The following AUTS2 variants were observed in gnomAD, a reference collection of about 807,000 sequenced individuals.
AUTS2 encodes the protein autism susceptibility gene 2 protein.
Under a neutral mutation model 112.4 loss-of-function variants are expected in AUTS2, and 17 were observed. The ratio of observed to expected loss-of-function variants is 0.15; its 90% CI spans 0.10 to 0.23. The LOEUF (loss-of-function observed/expected upper bound fraction) is 0.23, where lower values mean the gene tolerates loss of function less well. AUTS2 is among the 10% of genes least tolerant of loss of function. AUTS2 has a pLI of 1.00. For missense variants in AUTS2, 1,510 were observed against 1,701.6 expected (o/e 0.89, Z 1.98); for synonymous variants, 751 against 702.7 (o/e 1.07, Z -1.09).
chr7:69,870,833 T>C (rs1472950482), intron 1 of AUTS2, among the ~76,000 whole-genome samples: 2 of 152,146 alleles, frequency 1.3e-5, no homozygotes, highest in Non-Finnish European at 2.9e-5. Context: ...AAATTAGCTG[T>C]TTAATGTTGC....
Position 69,816,127 on chromosome 7 carries a change from A to G in AUTS2, c.310-83159A>G, listed in dbSNP as rs146360046. Among the ~76,000 whole-genome samples, 428 of 152,310 alleles carry G rather than the reference A, an allele frequency of 2.8e-3. 1 individual carries two copies. The highest frequency in any genetic ancestry group is 0.01 in the African/African-American group (417 of 41,562). ...AAATGATGCCTAGGTTTGTGTATTC[A>G]GGGCCTGAGTTTCTGATTAAAGCTG... On this transcript the variant is annotated intron_variant, in intron 1 of 18. Coordinates refer to ENST00000342771, the MANE Select transcript of AUTS2 (RefSeq NM_015570.4).
At position 70,722,171 on chromosome 7, in the gene AUTS2, C is replaced by A. The variant is rs544749681; in HGVS notation, c.742+23551C>A. On this transcript the variant is annotated intron_variant, in intron 6 of 18. Transcript: ENST00000342771. ...AACCCCTTTTAAAATCTTTAAATGA[C>A]ATCAGCAGTTTAAAGAGCCCAGGCT... Among the ~76,000 whole-genome samples the A allele has an allele frequency of 1.3e-3, 197 of 152,074 alleles. 1 individual carries two copies. Among genetic ancestry groups the A allele is most frequent in the African/African-American group, 4.2e-3 (176 of 41,478 alleles).
intron 1 of AUTS2, among the ~76,000 whole-genome samples, chr7:69,704,312 C>G (rs1374275053): frequency 6.6e-6 from 1 of 151,826 alleles, no homozygotes; most frequent in Non-Finnish European, 1.5e-5. Context: ...GAGTCTCACT[C>G]TGTCGCCCAG....
At chr7:70,709,952 G>A (rs968600725) in intron 6 of AUTS2, among the ~76,000 whole-genome samples, 20 of 152,102 alleles carry the variant, frequency 1.3e-4, no homozygotes, top group Admixed American at 7.9e-4. Context: ...ATTGAGCCCC[G>A]GCACAAGGGA....
At chr7:70,227,437 C>A (rs1021755221) in intron 4 of AUTS2, among the ~76,000 whole-genome samples, 2 of 151,924 alleles carry the variant, frequency 1.3e-5, no homozygotes, top group African/African-American at 4.8e-5. Context: ...AGTAAATTTG[C>A]AGAGATTTGT....
chr7:69,715,986 T>C (rs1202217566), intron 1 of AUTS2, among the ~76,000 whole-genome samples: 1 of 152,216 alleles, frequency 6.6e-6, no homozygotes, highest in Non-Finnish European at 1.5e-5. Context: ...CACAGAGTCT[T>C]AACCACTACA....
At chr7:70,185,195 G>A (rs1809533077) in intron 4 of AUTS2, among the ~76,000 whole-genome samples, 1 of 150,566 alleles carries the variant, frequency 6.6e-6, no homozygotes, top group South Asian at 2.1e-4. Flanking sequence ...ATCCATTGGG[G>A]ATAGCAAGTA....
intron 1 of AUTS2, among the ~76,000 whole-genome samples, chr7:69,721,914 C>G (rs1354530512): frequency 6.6e-6 from 1 of 151,992 alleles, no homozygotes; most frequent in Non-Finnish European, 1.5e-5. Context: ...ACAAAGGGGC[C>G]TGAGAGGTAG....
chr7:70,307,170 T>A (rs2129614628), intron 4 of AUTS2, among the ~76,000 whole-genome samples: 1 of 152,376 alleles, frequency 6.6e-6, no homozygotes, highest in Non-Finnish European at 1.5e-5. Flanking sequence ...TCATGTACTT[T>A]ACGAATAAAA....
chr7:70,588,443 G>A (rs1802783368), intron 5 of AUTS2, among the ~76,000 whole-genome samples: 1 of 152,196 alleles, frequency 6.6e-6, no homozygotes, highest in African/African-American at 2.4e-5. Flanking sequence ...GGCAGGAGCT[G>A]CAGCACTTGA....
chr7:69,666,260 C>T (rs1319200502), intron 1 of AUTS2, among the ~76,000 whole-genome samples: 1 of 152,174 alleles, frequency 6.6e-6, no homozygotes, highest in African/African-American at 2.4e-5. Context: ...AACATGTATA[C>T]ATTCTTCTAA....
chr7:70,306,326 C>G (rs987856429), intron 4 of AUTS2, among the ~76,000 whole-genome samples: 6 of 152,228 alleles, frequency 3.9e-5, no homozygotes, highest in African/African-American at 1.4e-4. Flanking sequence ...CTTATGGTTA[C>G]AGCAGGCTGT....
intron 4 of AUTS2, among the ~76,000 whole-genome samples, chr7:70,407,549 C>T (rs1199034213): frequency 6.6e-6 from 1 of 152,146 alleles, no homozygotes; most frequent in Non-Finnish European, 1.5e-5. Context: ...TGTGTACATG[C>T]CCGTCACATA....
intron 4 of AUTS2, among the ~76,000 whole-genome samples, chr7:70,206,481 A>ATG (rs1036830555): frequency 2.4e-4 from 37 of 152,304 alleles, no homozygotes; most frequent in African/African-American, 8.4e-4. Context: ...TGAGAAAAAA[A>ATG]TGATTTAAAA....
intron 4 of AUTS2, among the ~76,000 whole-genome samples, chr7:70,403,252 G>C (rs765192437): frequency 1.3e-5 from 2 of 152,204 alleles, no homozygotes; most frequent in Non-Finnish European, 2.9e-5. Context: ...TCTTTCCAAA[G>C]CATGGGAATA....
intron 1 of AUTS2, among the ~76,000 whole-genome samples, chr7:69,772,189 T>G (rs1237983915): frequency 3.9e-5 from 6 of 152,224 alleles, no homozygotes; most frequent in African/African-American, 1.4e-4. Context: ...AATTGTTACC[T>G]TGTGCAATTT....
intron 1 of AUTS2, among the ~76,000 whole-genome samples, chr7:69,779,194 T>C (rs1252148837): frequency 6.6e-6 from 1 of 151,830 alleles, no homozygotes; most frequent in Non-Finnish European, 1.5e-5. Context: ...TGTTTGTTAG[T>C]ATGTGTGTGA....
chr7:69,864,175 A>G (rs1407209593), intron 1 of AUTS2, among the ~76,000 whole-genome samples: 5 of 152,184 alleles, frequency 3.3e-5, no homozygotes, highest in Non-Finnish European at 7.3e-5. Flanking sequence ...TTGTTCCAAC[A>G]TTTAGTAGAT....
At chr7:69,794,755 G>GGGGAC (rs1562887791) in intron 1 of AUTS2, among the ~76,000 whole-genome samples, 2 of 152,002 alleles carry the variant, frequency 1.3e-5, no homozygotes, top group African/African-American at 4.8e-5. Context: ...GTGCAACTGA[G>GGGGAC]GGGACGGTCA....
Sources: gnomAD v4.1 joint callset for allele counts (sites outside exome capture counted in the v4.1 genomes callset) on GRCh38, gnomAD v4.1.1 for gene constraint, MANE v1.5 for transcripts, NCBI Gene and HGNC (gene_info 2026-07-23, HGNC 2026-07-21) for gene names.